ASXL1: variants seen among roughly 807,000 people sequenced by gnomAD.
ASXL1 encodes the protein polycomb group protein ASXL1.
ASXL1 carries 65 observed loss-of-function variants against 89.1 expected under a neutral mutation model. The observed-to-expected ratio is 0.73, with a 90% CI of 0.60 to 0.90. ASXL1 has a LOEUF of 0.90. Ranked by LOEUF, ASXL1 falls within the 40% of genes least tolerant of loss-of-function variation. The pLI is 0.00. For synonymous variants in ASXL1, 739 were observed against 746.9 expected, an observed-to-expected ratio of 0.99 and a Z score of 0.17; for missense variants, 1,786 against 1,942.9, an observed-to-expected ratio of 0.92 and a Z score of 1.52.
chr20:32,438,354 C>T lies in ASXL1; in HGVS notation c.*1016C>T, dbSNP rs574597562. ...GGATGTATTGTACAGAGAACATGAA[C>T]GTCTCTTCCTAATTTTACATCTTCA... On this transcript the variant is annotated 3_prime_UTR_variant, in exon 13 of 13. Coordinates refer to ENST00000375687, the MANE Select transcript of ASXL1 (RefSeq NM_015338.6). 57 of 233,568 alleles carry T rather than the reference C, an allele frequency of 2.4e-4. No individual in the cohort carries two copies. Among genetic ancestry groups the T allele is most frequent in the Middle Eastern group, 2.5e-3 (2 of 786 alleles). 14.5% of individuals were successfully genotyped at this position (233,568 alleles called of 1,614,324 possible). A position where few individuals can be genotyped will look rare whatever the true frequency, so the allele number is the denominator to read the frequency against.
intron 4 of ASXL1, among the ~76,000 whole-genome samples, chr20:32,410,742 G>T (rs909052600): frequency 1.3e-5 from 2 of 151,962 alleles, no homozygotes; most frequent in African/African-American, 4.8e-5. Flanking sequence ...CAGTTAGTAC[G>T]CTGAGGCTGG....
At chr20:32,385,622 C>CT (rs953069566) in intron 4 of ASXL1, among the ~76,000 whole-genome samples, 207 of 146,834 alleles carry the variant, frequency 1.4e-3, no homozygotes, top group African/African-American at 3.9e-3. Flanking sequence ...AAAACTTCAA[C>CT]TTTTTTTTTT....
At chr20:32,395,999 A>G (rs1425056225) in intron 4 of ASXL1, among the ~76,000 whole-genome samples, 1 of 151,904 alleles carries the variant, frequency 6.6e-6, no homozygotes, top group African/African-American at 2.4e-5. Flanking sequence ...GAGCTTCACC[A>G]TGTTTGCCAG....
At chr20:32,413,581 C>G (rs1023411349) in intron 4 of ASXL1, among the ~76,000 whole-genome samples, 1 of 152,128 alleles carries the variant, frequency 6.6e-6, no homozygotes, top group African/African-American at 2.4e-5. Context: ...TTTTCCTGCT[C>G]TCCGCATGGA....
intron 4 of ASXL1, among the ~76,000 whole-genome samples, chr20:32,396,527 T>G (rs2424884): frequency 6.6e-6 from 1 of 152,044 alleles, no homozygotes; most frequent in African/African-American, 2.4e-5. Flanking sequence ...TCTGTAACAA[T>G]CTTTTTCCTT....
At chr20:32,372,835 C>T (rs1308052009) in intron 4 of ASXL1, among the ~76,000 whole-genome samples, 3 of 150,990 alleles carry the variant, frequency 2.0e-5, no homozygotes, top group South Asian at 2.1e-4. Flanking sequence ...CCTCGTGATC[C>T]GTCTGCCTCG....
At chr20:32,421,638 A>G (rs993376266) in intron 4 of ASXL1, among the ~76,000 whole-genome samples, 3 of 152,156 alleles carry the variant, frequency 2.0e-5, no homozygotes, top group South Asian at 2.1e-4. Flanking sequence ...AGAATATACA[A>G]ATGGTTGTAT....
intron 4 of ASXL1, among the ~76,000 whole-genome samples, chr20:32,407,908 T>C (rs1311062552): frequency 1.3e-5 from 2 of 152,184 alleles, no homozygotes; most frequent in Non-Finnish European, 2.9e-5. Context: ...TGGCTTTATA[T>C]TTTTGGCTCT....
At chr20:32,415,286 G>A (rs1600549845) in intron 4 of ASXL1, among the ~76,000 whole-genome samples, 1 of 152,112 alleles carries the variant, frequency 6.6e-6, no homozygotes, top group East Asian at 1.9e-4. Flanking sequence ...TGGGATTACA[G>A]GTGTGAGCCA....
chr20:32,411,352 C>T (rs1230429518), intron 4 of ASXL1, among the ~76,000 whole-genome samples: 2 of 146,426 alleles, frequency 1.4e-5, no homozygotes, highest in African/African-American at 2.5e-5. Context: ...CTTAGCTTCA[C>T]GAGTAGCTGG....
chr20:32,428,609 G>T (rs1048390383), intron 6 of ASXL1, among the ~76,000 whole-genome samples, 187 bp downstream of exon 6: 1 of 128,920 alleles, frequency 7.8e-6, no homozygotes. Flanking sequence ...AGCAGAGTAA[G>T]TTTTTTCTCT....
intron 1 of ASXL1, chr20:32,359,363 C>T (rs1425405730): frequency 5.7e-6 from 4 of 702,422 alleles, no homozygotes; most frequent in African/African-American, 3.5e-5. Flanking sequence ...GTGCTTACTC[C>T]CAGCTTGAAC....
In ASXL1 at chr20:32,435,646, G is replaced by A. The variant is rs759483182; in HGVS notation, c.2934G>A (p.Val978=). Reference sequence around the variant, plus strand: ...GCAATGGCAGTTACTGTCAACAGGTGGACATTGAAAAGCTGAAAATCAACG... The same window carrying A: ...GCAATGGCAGTTACTGTCAACAGGTAGACATTGAAAAGCTGAAAATCAACG... The part of the protein sequence containing the change: ...SDSNGSYCQQ[V]DIEKLKINGD... The change falls in exon 13 of 13, where the codon GTG becomes GTA. Residue 978 remains valine (V), a synonymous_variant. Transcript: ENST00000375687. 1.1e-5 allele frequency: 18 copies of A among 1,614,124 alleles called. 1 individual carries two copies. Among genetic ancestry groups the A allele is most frequent in the Admixed American group, 3.3e-5 (2 of 60,020 alleles).
At chr20:32,378,833 ATATAGT>A (rs1057074895) in intron 4 of ASXL1, among the ~76,000 whole-genome samples, 1 of 151,856 alleles carries the variant, frequency 6.6e-6, no homozygotes, top group Non-Finnish European at 1.5e-5. Context: ...CCTCAACTAA[ATATAGT>A]TAAATAGGCC....
rs2123270822 is a variant in ASXL1 at position 32,433,880 on chromosome 20, A to G, written c.1682A>G (p.Gln561Arg). ...GAAAGTGTTCACACCGAAAAGCCACAGCCCACTAAAGAGGAGCCCAAAGTC... is the reference window on the plus strand; with the variant it reads ...GAAAGTGTTCACACCGAAAAGCCACGGCCCACTAAAGAGGAGCCCAAAGTC... Reference protein sequence around the residue: ...TIESVHTEKPQPTKEEPKVPP... With the variant: ...TIESVHTEKPRPTKEEPKVPP... The change falls in exon 12 of 13, where the codon CAG becomes CGG. Residue 561 changes from glutamine (Q) to arginine (R), a missense_variant. Transcript: ENST00000375687. The G allele has an allele frequency of 6.2e-7, 1 of 1,613,738 alleles. No homozygotes were observed. The highest frequency in any genetic ancestry group is 8.5e-7 in the Non-Finnish European group (1 of 1,180,046).
intron 4 of ASXL1, among the ~76,000 whole-genome samples, chr20:32,416,939 C>T (rs976486895): frequency 2.0e-5 from 3 of 152,148 alleles, no homozygotes; most frequent in African/African-American, 4.8e-5. Context: ...ATGATGAACT[C>T]TTCAAATTCC....
chr20:32,433,123 A>G, intron 11 of ASXL1, 138 bp downstream of exon 11: 1 of 1,531,254 alleles, frequency 6.5e-7, no homozygotes. Context: ...TCTTAATGCC[A>G]TTCATAGTGA....
intron 2 of ASXL1, 104 bp from the exon 3 acceptor site, chr20:32,367,623 A>G: frequency 1.3e-6 from 1 of 766,406 alleles, no homozygotes; most frequent in South Asian, 1.4e-5. Flanking sequence ...TTTGACTTGT[A>G]CTTATCCACT....
chr20:32,391,884 A>G (rs1473172552), intron 4 of ASXL1, among the ~76,000 whole-genome samples: 4 of 151,922 alleles, frequency 2.6e-5, no homozygotes, highest in African/African-American at 4.8e-5. Flanking sequence ...AGTTCTTTTC[A>G]GTGCTTAGTT....
Sources: gnomAD v4.1 joint callset for allele counts (sites outside exome capture counted in the v4.1 genomes callset) on GRCh38, gnomAD v4.1.1 for gene constraint, MANE v1.5 for transcripts, NCBI Gene and HGNC (gene_info 2026-07-23, HGNC 2026-07-21) for gene names.